Variants in MMRN1 observed in about 807,000 individuals in gnomAD.
The protein encoded by MMRN1 is multimerin 1.
MMRN1 carries 94 observed loss-of-function variants against 100.7 expected under a neutral mutation model. That is an observed-to-expected ratio of 0.93 (90% confidence interval 0.79 to 1.11). MMRN1 has a LOEUF of 1.11. MMRN1 is among the 50% of genes least tolerant of loss of function. The pLI is 0.00. For missense variants in MMRN1, 1,606 were observed against 1,439.1 expected, an observed-to-expected ratio of 1.12 and a Z score of -1.88; for synonymous variants, 575 against 505.0, an observed-to-expected ratio of 1.14 and a Z score of -1.86.
In MMRN1 at chr4:89,935,804, T is replaced by C; in HGVS notation, c.2124T>C (p.Gly708=). 1 of 1,613,152 alleles carries C rather than the reference T, an allele frequency of 6.2e-7. No individual in the cohort carries two copies. ...ACTTACTTAGAAATGAAGTACAGGG[T>C]CGTGATGATGCCTTAGAAAGACGTA... The part of the protein sequence containing the change: ...RHNLLRNEVQ[G]RDDALERRIN... Residue 708 remains glycine, a synonymous_variant, in exon 6 of 8, where the codon GGT becomes GGC. Coordinates refer to ENST00000264790, the MANE Select transcript of MMRN1 (RefSeq NM_007351.3).
rs1166981681 is a variant in MMRN1 at position 89,902,188 on chromosome 4, A to AG, written c.623+6600dup. The AG allele has an allele frequency of 1.7e-3, 103 of 60,982 alleles. No individual in the cohort carries two copies. In the Middle Eastern group the frequency reaches 0.022, roughly 13 times the overall value. The allele number at this position is 60,982 out of a possible 1,614,324, so 3.8% of individuals were successfully genotyped here. ...CTGGGGACTGTGGTGGGGTAGGGGGAGGGGGGAGGGATAGCATTGGGAGAT... is the reference window on the plus strand; with the variant it reads ...CTGGGGACTGTGGTGGGGTAGGGGGAGGGGGGGAGGGATAGCATTGGGAGAT... On this transcript the variant is annotated intron_variant, in intron 1 of 7. Transcript: ENST00000264790.
chr4:89,943,968 C>T (rs1014117439), intron 6 of MMRN1, among the ~76,000 whole-genome samples: 5 of 148,694 alleles, frequency 3.4e-5, no homozygotes, highest in East Asian at 2.0e-4. Flanking sequence ...GGCAGCAGAG[C>T]GAGACTCTGT....
intron 1 of MMRN1, among the ~76,000 whole-genome samples, chr4:89,907,735 T>C (rs187400380): frequency 6.6e-6 from 1 of 151,560 alleles, no homozygotes; most frequent in Admixed American, 6.6e-5. Flanking sequence ...CCATTTTTAA[T>C]TCACATATTG....
Position 89,897,285 on chromosome 4 carries a change from T to C in MMRN1, c.623+1691T>C, listed in dbSNP as rs1721236090. On this transcript the variant is annotated intron_variant, in intron 1 of 7. Coordinates refer to ENST00000264790, the MANE Select transcript of MMRN1 (RefSeq NM_007351.3). ...GTGCAGTGGCACAATCTCGGCTCAC[T>C]GCAATCTTCGACTCCCAGGTTCAAG... is the stretch of plus-strand genomic sequence containing the variant. Among the ~76,000 whole-genome samples, 5 of 151,974 alleles carry C rather than the reference T, an allele frequency of 3.3e-5. 1 individual carries two copies. Among genetic ancestry groups the C allele is most frequent in the Admixed American group, 3.3e-4 (5 of 15,240 alleles).
chr4:89,942,871 G>C (rs566531538), intron 6 of MMRN1, among the ~76,000 whole-genome samples: 9 of 152,132 alleles, frequency 5.9e-5, no homozygotes, highest in Admixed American at 5.9e-4. Flanking sequence ...TTACAAAAAA[G>C]TAAACAATTG....
At chr4:89,934,053 C>A (rs1169162641) in intron 5 of MMRN1, among the ~76,000 whole-genome samples, 3 of 151,750 alleles carry the variant, frequency 2.0e-5, no homozygotes, top group Non-Finnish European at 2.9e-5. Context: ...TAGAGACTAC[C>A]ACAATTATGG....
At chr4:89,898,913 C>T (rs1034313886) in intron 1 of MMRN1, among the ~76,000 whole-genome samples, 1 of 152,032 alleles carries the variant, frequency 6.6e-6, no homozygotes, top group African/African-American at 2.4e-5. Context: ...GACTTATTTT[C>T]AGAGCTAGCA....
At chr4:89,902,326 T>TA (rs368146164) in intron 1 of MMRN1, among the ~76,000 whole-genome samples, 14 of 148,360 alleles carry the variant, frequency 9.4e-5, no homozygotes, top group South Asian at 4.3e-4. Flanking sequence ...TAAAGTATAA[T>TA]AAAAAAAATA....
intron 1 of MMRN1, among the ~76,000 whole-genome samples, chr4:89,904,510 G>A (rs191611481): frequency 6.6e-6 from 1 of 151,672 alleles, no homozygotes; most frequent in South Asian, 2.1e-4. Context: ...AACCACTTAA[G>A]TACATCATAT....
rs1321814866 is a variant in MMRN1 at position 89,907,359 on chromosome 4, T to C, written c.624-1917T>C. Among the ~76,000 whole-genome samples, 4 of 151,480 alleles carry C rather than the reference T, an allele frequency of 2.6e-5. No homozygotes were observed. The Admixed American group carries it at 2.6e-4, about 10-fold the overall frequency. ...TCTGTAGAGCTCAATTTCTCTGCCTTAGATGAATGACAATGTGGAATGATT... is the reference window on the plus strand; with the variant it reads ...TCTGTAGAGCTCAATTTCTCTGCCTCAGATGAATGACAATGTGGAATGATT... On this transcript the variant is annotated intron_variant, in intron 1 of 7. Coordinates refer to ENST00000264790, the MANE Select transcript of MMRN1 (RefSeq NM_007351.3).
chr4:89,895,214 A>G lies in MMRN1; in HGVS notation c.243A>G (p.Ser81=), dbSNP rs746269807. The part of the protein sequence containing the change: ...ARTSEDSLLK[S]TLPPSETSAP... ...CTTCTGAAGACAGTCTTCTTAAATC[A>G]ACACTGCCTCCCTCAGAAACAAGTG... Residue 81 remains serine, a synonymous_variant, in exon 1 of 8, where the codon TCA becomes TCG. Transcript: ENST00000264790. 1 of 1,613,844 alleles carries G rather than the reference A, an allele frequency of 6.2e-7. No individual in the cohort carries two copies. Among genetic ancestry groups the G allele is most frequent in the South Asian group, 1.1e-5 (1 of 91,086 alleles).
chr4:89,890,533 C>T (rs1721033017), upstream of MMRN1, among the ~76,000 whole-genome samples: 1 of 151,940 alleles, frequency 6.6e-6, no homozygotes, highest in African/African-American at 2.4e-5. Flanking sequence ...ATATAATGTC[C>T]ATATTTTCAG....
Position 89,951,757 on chromosome 4 carries a change from A to G in MMRN1, c.3265+6A>G. On this transcript the variant is annotated splice_donor_region_variant and intron_variant, in intron 7 of 7. Transcript: ENST00000264790. ...AGAAAATGCTTTAGCTCCAGGTAAA[A>G]AAAAAGTATACGCATCTTTGGATTT... 6.2e-7 allele frequency: 1 copy of G among 1,611,406 alleles called. No homozygotes were observed. The highest frequency in any genetic ancestry group is 8.5e-7 in the Non-Finnish European group (1 of 1,178,998).
chr4:89,952,697 G>A (rs925329966), intron 7 of MMRN1, among the ~76,000 whole-genome samples: 4 of 152,118 alleles, frequency 2.6e-5, no homozygotes, highest in Non-Finnish European at 4.4e-5. Context: ...TCTCTGGGGA[G>A]ATCAAAGCAA....
chr4:89,921,405 T>C (rs1226585706), intron 3 of MMRN1, among the ~76,000 whole-genome samples: 1 of 152,168 alleles, frequency 6.6e-6, no homozygotes, highest in Non-Finnish European at 1.5e-5. Flanking sequence ...TACTCTCTAG[T>C]TATACTCTTG....
chr4:89,889,114 G>C lies in MMRN1; in HGVS notation c.-248-5610G>C, dbSNP rs954727880. ...CTGAGTTATCCCAATTTGTAATTGA[G>C]CTAGGTCTAATATAAACCAAAATTG... On this transcript the variant is annotated intron_variant, in intron 1 of 8. Coordinates refer to the MMRN1 transcript ENST00000394980. Among the ~76,000 whole-genome samples the C allele has an allele frequency of 9.9e-5, 15 of 152,128 alleles. 1 individual carries two copies. Among genetic ancestry groups the C allele is most frequent in the African/African-American group, 3.4e-4 (14 of 41,416 alleles).
At chr4:89,903,003 GA>G (rs1394449300) in intron 1 of MMRN1, among the ~76,000 whole-genome samples, 1 of 151,714 alleles carries the variant, frequency 6.6e-6, no homozygotes, top group Non-Finnish European at 1.5e-5. Flanking sequence ...TTTTCTTAAG[GA>G]AATAAATATT....
intron 7 of MMRN1, among the ~76,000 whole-genome samples, 178 bp from the exon 8 acceptor site, chr4:89,952,819 T>G (rs773371667): frequency 6.6e-6 from 1 of 152,116 alleles, no homozygotes; most frequent in Non-Finnish European, 1.5e-5. Flanking sequence ...CAATTTAGAG[T>G]AATTTACCCC....
chr4:89,907,550 C>T (rs116588187), intron 1 of MMRN1, among the ~76,000 whole-genome samples: 2,416 of 151,336 alleles, frequency 0.016, 77 homozygotes, highest in African/African-American at 0.054. Flanking sequence ...AGGAAATTTT[C>T]CCTTTTTTTC....
Sources: allele counts gnomAD v4.1 joint callset (sites outside exome capture counted in the v4.1 genomes callset), GRCh38; gene constraint gnomAD v4.1.1; transcripts MANE v1.5; gene names NCBI Gene and HGNC (gene_info 2026-07-23, HGNC 2026-07-21).